Variants in THSD7A observed in about 807,000 individuals in gnomAD.
THSD7A encodes thrombospondin type-1 domain-containing protein 7A.
Under a neutral mutation model 231.3 loss-of-function variants are expected in THSD7A, and 96 were observed. The ratio of observed to expected loss-of-function variants is 0.41; its 90% CI spans 0.35 to 0.49. The LOEUF is 0.49. Ranked by LOEUF, THSD7A falls within the 20% of genes least tolerant of loss-of-function variation. THSD7A has a pLI of 0.05. For missense variants in THSD7A, 2,290 were observed against 2,070.2 expected (o/e 1.11, Z -2.06); for synonymous variants, 940 against 743.3 (o/e 1.26, Z -4.30).
intron 6 of THSD7A, among the ~76,000 whole-genome samples, chr7:11,517,379 C>T (rs928083310): frequency 1.3e-5 from 2 of 151,684 alleles, no homozygotes; most frequent in Non-Finnish European, 2.9e-5. Context: ...TGCCCGGCCC[C>T]CATATCATTA....
At chr7:11,778,524 C>T (rs1170463142) in intron 1 of THSD7A, among the ~76,000 whole-genome samples, 1 of 151,914 alleles carries the variant, frequency 6.6e-6, no homozygotes, top group Non-Finnish European at 1.5e-5. Context: ...TAAATGGAAG[C>T]TAAGAATGGT....
At chr7:11,728,531 A>T (rs1015973201) in intron 1 of THSD7A, among the ~76,000 whole-genome samples, 9 of 151,932 alleles carry the variant, frequency 5.9e-5, no homozygotes, top group African/African-American at 1.9e-4. Flanking sequence ...TTTTCCTGGT[A>T]AAAACTCTCT....
chr7:11,676,615 G>A (rs920833924), intron 1 of THSD7A, among the ~76,000 whole-genome samples: 4 of 152,048 alleles, frequency 2.6e-5, no homozygotes, highest in African/African-American at 9.7e-5. Context: ...AGAACTTCAT[G>A]GAGCACACAG....
At position 11,590,011 on chromosome 7, in the gene THSD7A, AT is replaced by A. The variant is rs1487132856; in HGVS notation, c.1453+448del. ...CTATTCTGTACTTATTTAAATTGAA[AT>A]TGACAATTTTATTCAATATCATAAT... is the stretch of plus-strand genomic sequence containing the variant. On this transcript the variant is annotated intron_variant, in intron 4 of 27. Transcript: ENST00000423059. This position sits in a 1 kb window ranked among gnomAD's most constrained non-coding sequence, Gnocchi z 4.4. Among the ~76,000 whole-genome samples the A allele has an allele frequency of 6.6e-6, 1 of 152,200 alleles. No individual in the cohort carries two copies. Among genetic ancestry groups the A allele is most frequent in the Non-Finnish European group, 1.5e-5 (1 of 68,044 alleles).
chr7:11,698,697 T>C (rs1182302010), intron 1 of THSD7A, among the ~76,000 whole-genome samples: 1 of 151,360 alleles, frequency 6.6e-6, no homozygotes, highest in Non-Finnish European at 1.5e-5. Context: ...CTGATTCTAC[T>C]TAGGTTAAAA....
chr7:11,731,106 C>T (rs779903331), intron 1 of THSD7A, among the ~76,000 whole-genome samples: 2 of 151,514 alleles, frequency 1.3e-5, no homozygotes, highest in African/African-American at 4.8e-5. Context: ...ATATACTGAA[C>T]TTATTTCCTT....
chr7:11,737,804 A>T (rs4721009), intron 1 of THSD7A, among the ~76,000 whole-genome samples: 132,123 of 152,048 alleles, frequency 0.87, 57,754 homozygotes, highest in African/African-American at 0.96. Context: ...ACTCCAAACA[A>T]TTCAAGTTCT....
chr7:11,779,779 GA>G (rs1418201788), intron 1 of THSD7A, among the ~76,000 whole-genome samples: 1 of 152,186 alleles, frequency 6.6e-6, no homozygotes, highest in Non-Finnish European at 1.5e-5. Context: ...TCATTGGGTT[GA>G]AGAAGTATTA....
Position 11,446,327 on chromosome 7 carries a change from G to A in THSD7A, c.2801-3C>T. ...TTTTTCCTTCTTTTTACTTTTTCCT[G>A]TGGAAGAGAAACAATCAGGCAATTT... On this transcript the variant is annotated splice_polypyrimidine_tract_variant and splice_region_variant and intron_variant, in intron 12 of 27. Transcript: ENST00000423059. The surrounding 1 kb of genome is among the most constrained non-coding windows in gnomAD (Gnocchi z 4.0). The A allele has an allele frequency of 1.2e-6, 2 of 1,606,756 alleles. No individual in the cohort carries two copies. Among genetic ancestry groups the A allele is most frequent in the South Asian group, 1.1e-5 (1 of 90,354 alleles).
chr7:11,606,535 T>C (rs1234719020), intron 2 of THSD7A, among the ~76,000 whole-genome samples: 1 of 152,164 alleles, frequency 6.6e-6, no homozygotes, highest in Non-Finnish European at 1.5e-5. Context: ...ATATTATCTG[T>C]AAACAAAAGC....
rs10657442 is a variant in THSD7A at position 11,374,619 on chromosome 7, C to CT, written c.*1174dup. The CT allele has an allele frequency of 6.6e-6, 1 of 150,840 alleles. No homozygotes were observed. The highest frequency in any genetic ancestry group is 1.5e-5 in the Non-Finnish European group (1 of 67,644). The allele number at this position is 150,840 out of a possible 1,614,324, so 9.3% of individuals were successfully genotyped here. ...TCAAAATTAAAAAGACATCCAGTTC[C>CT]TTTTTCTTTTTTTTTCTTAACAAAG... On this transcript the variant is annotated 3_prime_UTR_variant, in exon 28 of 28. Coordinates refer to ENST00000423059, the MANE Select transcript of THSD7A (RefSeq NM_015204.3).
At chr7:11,529,300 A>G (rs1002799725) in intron 6 of THSD7A, among the ~76,000 whole-genome samples, 2 of 152,188 alleles carry the variant, frequency 1.3e-5, no homozygotes, top group Non-Finnish European at 2.9e-5. Flanking sequence ...TACAATAGAC[A>G]TTTATTTAAG....
chr7:11,717,947 A>G (rs1781199487), intron 1 of THSD7A, among the ~76,000 whole-genome samples: 1 of 151,602 alleles, frequency 6.6e-6, no homozygotes. Context: ...TGTTTAGTCT[A>G]CGATTTCCAA....
At chr7:11,586,524 A>G (rs984956249) in intron 4 of THSD7A, among the ~76,000 whole-genome samples, 6 of 152,306 alleles carry the variant, frequency 3.9e-5, no homozygotes, top group African/African-American at 1.4e-4. Context: ...AAAGTGAGGA[A>G]CAGGAAAGAC....
At chr7:11,437,755 CTCAT>C in intron 13 of THSD7A, among the ~76,000 whole-genome samples, 1 of 152,014 alleles carries the variant, frequency 6.6e-6, no homozygotes, top group Non-Finnish European at 1.5e-5. Flanking sequence ...GGAACAATTT[CTCAT>C]TCAATTTTGT....
chr7:11,653,448 A>ATGTGTGTGTGTGTG (rs60933989), intron 1 of THSD7A, among the ~76,000 whole-genome samples: 176 of 127,128 alleles, frequency 1.4e-3, no homozygotes, highest in Non-Finnish European at 2.3e-3. Context: ...ACTCCCAGAT[A>ATGTGTGTGTGTGTG]TGTGTGTGTG....
At chr7:11,458,140 T>C (rs753687455) in intron 11 of THSD7A, among the ~76,000 whole-genome samples, 4 of 152,112 alleles carry the variant, frequency 2.6e-5, no homozygotes, top group Non-Finnish European at 4.4e-5. Context: ...TCTTTGTTGA[T>C]TGATTTAATG....
rs540704054 is a variant in THSD7A at position 11,775,134 on chromosome 7, T to C, written c.190+56623A>G. Among the ~76,000 whole-genome samples the C allele has an allele frequency of 1.3e-3, 204 of 152,026 alleles. 1 individual carries two copies. Among genetic ancestry groups the C allele is most frequent in the Middle Eastern group, 3.4e-3 (1 of 294 alleles). On this transcript the variant is annotated intron_variant, in intron 1 of 27. Transcript: ENST00000423059. ...TTATTTACTGCACTATAATTTGTAGTAAAAAGAAAAAAGAAATCAACACCC... is the reference window on the plus strand; with the variant it reads ...TTATTTACTGCACTATAATTTGTAGCAAAAAGAAAAAAGAAATCAACACCC...
chr7:11,461,293 A>G (rs184288094), intron 10 of THSD7A, among the ~76,000 whole-genome samples: 4 of 152,324 alleles, frequency 2.6e-5, no homozygotes, highest in South Asian at 2.1e-4. Context: ...AGTATTTGTC[A>G]TCTCAGAATT....
Sources: allele counts gnomAD v4.1 joint callset (sites outside exome capture counted in the v4.1 genomes callset), GRCh38; gene constraint gnomAD v4.1.1; non-coding constraint Gnocchi (gnomAD v3.1); transcripts MANE v1.5; gene names NCBI Gene and HGNC (gene_info 2026-07-23, HGNC 2026-07-21).